Variants in SLC44A2 observed in about 807,000 individuals in gnomAD.
The protein encoded by SLC44A2 is choline transporter-like protein 2.
Under a neutral mutation model 90.8 loss-of-function variants are expected in SLC44A2, and 57 were observed. The ratio of observed to expected loss-of-function variants is 0.63; its 90% CI spans 0.51 to 0.78. SLC44A2 has a LOEUF of 0.78. Among genes scored for constraint, SLC44A2 ranks in the 30% least tolerant of loss-of-function variants. The pLI, the probability that SLC44A2 is intolerant of heterozygous loss-of-function variation, is 0.00. For missense variants in SLC44A2, 794 were observed against 919.7 expected, an observed-to-expected ratio of 0.86 and a Z score of 1.77; for synonymous variants, 355 against 360.7, an observed-to-expected ratio of 0.98 and a Z score of 0.18.
intron 10 of SLC44A2, 63 bp downstream of exon 10, chr19:10,632,219 G>A (rs990713385): frequency 2.9e-5 from 42 of 1,446,464 alleles, no homozygotes; most frequent in African/African-American, 8.4e-5. Context: ...GCCCTTTCCC[G>A]TGGAAATGGC....
At chr19:10,602,570 C>A in intron 1 of SLC44A2, 2 of 1,270,536 alleles carry the variant, frequency 1.6e-6, no homozygotes, top group Non-Finnish European at 2.0e-6. Context: ...CGGTAGGAGC[C>A]GCCTCCGGTC....
At chr19:10,640,376 C>A (rs2067102877) in intron 20 of SLC44A2, among the ~76,000 whole-genome samples, 1 of 152,248 alleles carries the variant, frequency 6.6e-6, no homozygotes, top group South Asian at 2.1e-4. Context: ...AAGGCATGAG[C>A]CCCTGTGCCT....
chr19:10,636,136 C>A, intron 14 of SLC44A2, 187 bp from the exon 15 acceptor site: 2 of 685,934 alleles, frequency 2.9e-6, no homozygotes, highest in Middle Eastern at 4.1e-4. Flanking sequence ...GTGATGGCCA[C>A]GTCTTGTTTC....
chr19:10,610,560 C>G (rs1918264588), intron 1 of SLC44A2, among the ~76,000 whole-genome samples: 1 of 149,380 alleles, frequency 6.7e-6, no homozygotes, highest in African/African-American at 2.5e-5. Flanking sequence ...GTCTTGATCT[C>G]CTGACCTCGT....
chr19:10,625,369 T>G, upstream of SLC44A2: 1 of 903,042 alleles, frequency 1.1e-6, no homozygotes, highest in South Asian at 5.7e-5. Context: ...AGCCGCAGGG[T>G]TCCCGGGTGG....
chr19:10,629,824 G>C (rs2144853532), intron 4 of SLC44A2, among the ~76,000 whole-genome samples: 1 of 151,714 alleles, frequency 6.6e-6, no homozygotes, highest in South Asian at 2.1e-4. Flanking sequence ...TGCGATCTTG[G>C]CTCACTGCAA....
At chr19:10,634,205 G>A (rs562515901) in intron 10 of SLC44A2, among the ~76,000 whole-genome samples, 22 of 137,702 alleles carry the variant, frequency 1.6e-4, no homozygotes, top group African/African-American at 6.0e-4. Flanking sequence ...GGTCAGGCTG[G>A]TCTCGAACTC....
At chr19:10,637,354 A>G (rs1345056659) in intron 16 of SLC44A2, among the ~76,000 whole-genome samples, 1 of 152,142 alleles carries the variant, frequency 6.6e-6, no homozygotes, top group Non-Finnish European at 1.5e-5. Flanking sequence ...TCCATTTCAA[A>G]AAAAGGAAAA....
intron 4 of SLC44A2, among the ~76,000 whole-genome samples, chr19:10,629,328 A>C (rs573717252): frequency 2.0e-5 from 3 of 148,476 alleles, no homozygotes; most frequent in Admixed American, 2.0e-4. Context: ...CCCAGGCTAG[A>C]GTGCAGTGGC....
intron 1 of SLC44A2, among the ~76,000 whole-genome samples, chr19:10,617,648 C>T (rs2066866207): frequency 1.3e-5 from 2 of 152,338 alleles, no homozygotes; most frequent in Admixed American, 1.3e-4. Flanking sequence ...CCCTCCATGG[C>T]TCCCACGTAC....
chr19:10,623,771 C>A (rs1276246551), upstream of SLC44A2, among the ~76,000 whole-genome samples: 2 of 151,658 alleles, frequency 1.3e-5, no homozygotes, highest in Non-Finnish European at 2.9e-5. Flanking sequence ...CTCACTGCAA[C>A]CTCTACCTCC....
At chr19:10,635,642 G>C (rs867782227) in intron 14 of SLC44A2, 127 bp downstream of exon 14, 8 of 810,160 alleles carry the variant, frequency 9.9e-6, no homozygotes, top group South Asian at 1.7e-5. Flanking sequence ...TGCTAGGTGT[G>C]GGGGAGGACG....
chr19:10,603,100 G>A (rs910746844), intron 1 of SLC44A2, among the ~76,000 whole-genome samples: 3 of 152,142 alleles, frequency 2.0e-5, no homozygotes, highest in Non-Finnish European at 4.4e-5. Context: ...TTTGGTGAGG[G>A]GGCAGGAAGG....
In SLC44A2 at chr19:10,643,959, T is replaced by G. The variant is rs1354335990; in HGVS notation, c.*574T>G. ...GAGATGGGGCCGCCAAGGAGTGCCT[T>G]CCTTTTGCTCCCTCCTAGCTGGGAG... On this transcript the variant is annotated 3_prime_UTR_variant, in exon 22 of 22. Transcript: ENST00000335757. 3 of 152,686 alleles carry G rather than the reference T, an allele frequency of 2.0e-5. No individual in the cohort carries two copies. Among genetic ancestry groups the G allele is most frequent in the Non-Finnish European group, 1.5e-5 (1 of 68,108 alleles). The allele number at this position is 152,686 out of a possible 1,614,324, so 9.5% of individuals were successfully genotyped here.
At chr19:10,643,228 C>G in intron 21 of SLC44A2, 51 bp from the exon 22 acceptor site, 1 of 1,569,536 alleles carries the variant, frequency 6.4e-7, no homozygotes, top group Non-Finnish European at 8.6e-7. Context: ...CCTTGAGGCC[C>G]CTGCCCGTGG....
chr19:10,616,406 T>TTTTTG (rs1003853270), intron 1 of SLC44A2, among the ~76,000 whole-genome samples: 12 of 151,468 alleles, frequency 7.9e-5, no homozygotes, highest in Non-Finnish European at 1.5e-4. Flanking sequence ...AATTTTTGTT[T>TTTTTG]TTTTGTTTTG....
intron 20 of SLC44A2, among the ~76,000 whole-genome samples, chr19:10,641,844 A>T (rs1288734399): frequency 2.0e-5 from 3 of 146,472 alleles, no homozygotes; most frequent in Non-Finnish European, 4.5e-5. Flanking sequence ...AGACCGTGAG[A>T]CCCTGTCTCA....
intron 14 of SLC44A2, chr19:10,636,069 G>T: frequency 6.0e-6 from 3 of 499,360 alleles, no homozygotes; most frequent in Non-Finnish European, 1.1e-5. Context: ...GAGCCACCTC[G>T]CCCGGCCCAT....
Position 10,636,747 on chromosome 19 carries a change from C to T in SLC44A2, c.1582C>T (p.Arg528Trp). 2 of 1,613,484 alleles carry T rather than the reference C, an allele frequency of 1.2e-6. No individual in the cohort carries two copies. Among genetic ancestry groups the T allele is most frequent in the Admixed American group, 1.7e-5 (1 of 59,916 alleles). Reference protein sequence around the residue: ...IRVILEYLDQRLKAAENKFAK... With the variant: ...IRVILEYLDQWLKAAENKFAK... ...TGTGATACTCGAGTACCTGGATCAG[C>T]GGCTGAAAGGTACGTCCCACCCACG... is the stretch of plus-strand genomic sequence containing the variant. The change falls in exon 16 of 22, where the codon CGG (arginine) becomes TGG (tryptophan). Residue 528 changes from arginine (R) to tryptophan (W), a missense_variant. Arg to Trp is a moderately radical substitution (Grantham distance 101). Coordinates refer to ENST00000335757, the MANE Select transcript of SLC44A2 (RefSeq NM_020428.4).
Sources: gnomAD v4.1 joint callset for allele counts (sites outside exome capture counted in the v4.1 genomes callset) on GRCh38, gnomAD v4.1.1 for gene constraint, MANE v1.5 for transcripts, NCBI Gene and HGNC (gene_info 2026-07-23, HGNC 2026-07-21) for gene names.